The following COL25A1 variants were observed in gnomAD, a reference collection of about 807,000 sequenced individuals.
COL25A1 encodes collagen alpha-1(XXV) chain.
Under a neutral mutation model 128.4 loss-of-function variants are expected in COL25A1, and 103 were observed. The observed-to-expected ratio is 0.80, with a 90% CI of 0.68 to 0.94. The LOEUF (loss-of-function observed/expected upper bound fraction) is 0.94, where lower values mean the gene tolerates loss of function less well. Ranked by LOEUF, COL25A1 falls within the 40% of genes least tolerant of loss-of-function variation. The pLI, the probability that COL25A1 is intolerant of heterozygous loss-of-function variation, is 0.00. For synonymous variants in COL25A1, 279 were observed against 277.2 expected (o/e 1.01, Z -0.06); for missense variants, 745 against 840.0 (o/e 0.89, Z 1.40).
At chr4:109,157,257 C>T (rs2526440) in intron 3 of COL25A1, among the ~76,000 whole-genome samples, 94,275 of 151,982 alleles carry the variant, frequency 0.62, 29,835 homozygotes, top group East Asian at 0.75. Flanking sequence ...TTACTGTGAT[C>T]TTTAAAATCT....
At chr4:109,220,050 T>C (rs1445188048) in intron 3 of COL25A1, among the ~76,000 whole-genome samples, 1 of 152,196 alleles carries the variant, frequency 6.6e-6, no homozygotes, top group Non-Finnish European at 1.5e-5. Flanking sequence ...GTCTTACTTC[T>C]AATCTAATAG....
Position 109,054,074 on chromosome 4 carries a change from C to T in COL25A1, c.368-3895G>A, listed in dbSNP as rs575437579. Among the ~76,000 whole-genome samples the T allele has an allele frequency of 1.4e-4, 21 of 152,298 alleles. No homozygotes were observed. The South Asian group carries it at 4.4e-3, about 32-fold the overall frequency. On this transcript the variant is annotated intron_variant, in intron 3 of 37. Coordinates refer to ENST00000399132, the MANE Select transcript of COL25A1 (RefSeq NM_198721.4). The stretch of plus-strand genomic sequence containing the variant: ...ATGGAGGAGGTAATTAATGAATATA[C>T]AGACACACACTAGGTGTTCAATAAA...
intron 3 of COL25A1, among the ~76,000 whole-genome samples, chr4:109,092,157 C>T (rs947614429): frequency 1.3e-5 from 2 of 152,094 alleles, no homozygotes; most frequent in Non-Finnish European, 2.9e-5. Flanking sequence ...GGGCCACTAC[C>T]ACAAGTCCAC....
intron 11 of COL25A1, among the ~76,000 whole-genome samples, chr4:108,936,560 C>T (rs1160270549): frequency 1.3e-5 from 2 of 152,026 alleles, no homozygotes; most frequent in African/African-American, 4.8e-5. Context: ...GAGCAAGACT[C>T]TGTCTCAAAC....
chr4:108,993,730 G>C (rs1754454028), intron 6 of COL25A1, among the ~76,000 whole-genome samples: 1 of 151,976 alleles, frequency 6.6e-6, no homozygotes, highest in Admixed American at 6.6e-5. Flanking sequence ...CGTGGTGGTA[G>C]GTTCCTGTAA....
At chr4:108,818,416 A>T (rs964877701) in intron 36 of COL25A1, among the ~76,000 whole-genome samples, 3 of 152,184 alleles carry the variant, frequency 2.0e-5, no homozygotes, top group Non-Finnish European at 2.9e-5. Context: ...AAACATAAAA[A>T]TTTTTATTTA....
At chr4:109,104,420 T>TCTCTC (rs1560698814) in intron 3 of COL25A1, among the ~76,000 whole-genome samples, 7 of 89,970 alleles carry the variant, frequency 7.8e-5, no homozygotes, top group South Asian at 3.7e-4. Context: ...CTCTCTCTCT[T>TCTCTC]TTTTGCAATC....
At chr4:108,992,603 C>T (rs1754330400) in intron 6 of COL25A1, among the ~76,000 whole-genome samples, 1 of 152,070 alleles carries the variant, frequency 6.6e-6, no homozygotes, top group Admixed American at 6.6e-5. Flanking sequence ...ATAAGTATGG[C>T]CCTGGGTTAG....
intron 6 of COL25A1, among the ~76,000 whole-genome samples, chr4:108,977,574 A>T (rs539880531): frequency 6.6e-6 from 1 of 152,336 alleles, no homozygotes; most frequent in East Asian, 1.9e-4. Context: ...GACCAAATTT[A>T]AAAAATACAA....
chr4:109,080,203 C>T (rs752670758), intron 3 of COL25A1, among the ~76,000 whole-genome samples: 4 of 152,082 alleles, frequency 2.6e-5, no homozygotes, highest in Non-Finnish European at 5.9e-5. Context: ...CTGTTATTCC[C>T]ATTTTATAGA....
At chr4:108,996,595 G>A (rs141729640) in intron 6 of COL25A1, among the ~76,000 whole-genome samples, 403 of 152,190 alleles carry the variant, frequency 2.6e-3, no homozygotes, top group African/African-American at 9.2e-3. Context: ...TACCCAGGAC[G>A]TGAACTCAGC....
At chr4:108,936,750 T>G (rs189608565) in intron 11 of COL25A1, among the ~76,000 whole-genome samples, 1 of 150,434 alleles carries the variant, frequency 6.6e-6, no homozygotes, top group Non-Finnish European at 1.5e-5. Flanking sequence ...AGAAGCCTTG[T>G]TGATTCCTGA....
At chr4:109,102,850 C>G (rs1766035342) in intron 3 of COL25A1, among the ~76,000 whole-genome samples, 1 of 152,128 alleles carries the variant, frequency 6.6e-6, no homozygotes, top group Admixed American at 6.5e-5. Context: ...TCCTGGCAGA[C>G]AGCAAACAGT....
intron 3 of COL25A1, among the ~76,000 whole-genome samples, chr4:109,261,528 T>G (rs1247413477): frequency 6.6e-6 from 1 of 152,168 alleles, no homozygotes; most frequent in South Asian, 2.1e-4. Flanking sequence ...ATTCTGTCTC[T>G]AAAATAAATA....
At chr4:108,882,010 A>T (rs1740184703) in intron 19 of COL25A1, among the ~76,000 whole-genome samples, 1 of 152,138 alleles carries the variant, frequency 6.6e-6, no homozygotes, top group African/African-American at 2.4e-5. Flanking sequence ...AGTCAAGGAG[A>T]GAAAAACAAA....
intron 3 of COL25A1, among the ~76,000 whole-genome samples, chr4:109,100,077 C>T (rs1402221385): frequency 6.6e-6 from 1 of 152,050 alleles, no homozygotes. Flanking sequence ...CACAAGAAAT[C>T]GGGCACATCC....
chr4:109,294,337 A>G (rs1578660148), intron 3 of COL25A1, among the ~76,000 whole-genome samples: 1 of 152,104 alleles, frequency 6.6e-6, no homozygotes, highest in East Asian at 1.9e-4. Context: ...AAAGTGCTCA[A>G]TTTTAATTTG....
intron 8 of COL25A1, among the ~76,000 whole-genome samples, chr4:108,969,851 TCAG>T (rs1376183711): frequency 3.9e-5 from 6 of 152,122 alleles, no homozygotes; most frequent in African/African-American, 1.4e-4. Flanking sequence ...CACCCTGCTT[TCAG>T]TCTCTTCCAA....
intron 8 of COL25A1, among the ~76,000 whole-genome samples, chr4:108,966,709 G>A (rs113076181): frequency 0.033 from 5,004 of 151,888 alleles, 126 homozygotes; most frequent in Middle Eastern, 0.065. Flanking sequence ...AAAATAGCTG[G>A]GCATGGTAGT....
Sources: gnomAD v4.1 joint callset for allele counts (sites outside exome capture counted in the v4.1 genomes callset) on GRCh38, gnomAD v4.1.1 for gene constraint, MANE v1.5 for transcripts, NCBI Gene and HGNC (gene_info 2026-07-23, HGNC 2026-07-21) for gene names.